The following EXOC4 variants were observed in gnomAD, a reference collection of about 807,000 sequenced individuals.
EXOC4 encodes exocyst complex component 4.
Under a neutral mutation model 107.2 loss-of-function variants are expected in EXOC4, and 71 were observed. The ratio of observed to expected loss-of-function variants is 0.66; its 90% CI spans 0.55 to 0.81. The LOEUF (loss-of-function observed/expected upper bound fraction) is 0.81. Among genes scored for constraint, EXOC4 ranks in the 30% least tolerant of loss-of-function variants. The pLI, the probability that EXOC4 is intolerant of heterozygous loss-of-function variation, is 0.00. For synonymous variants in EXOC4, 456 were observed against 441.2 expected (o/e 1.03, Z -0.42); for missense variants, 1,108 against 1,189.6 (o/e 0.93, Z 1.01).
Position 133,731,544 on chromosome 7 carries a change from A to G in EXOC4, c.1515-85781A>G, listed in dbSNP as rs535218333. Among the ~76,000 whole-genome samples, 290 of 152,306 alleles carry G rather than the reference A, an allele frequency of 1.9e-3. 1 individual carries two copies. The highest frequency in any genetic ancestry group is 3.1e-3 in the Non-Finnish European group (211 of 68,024). On this transcript the variant is annotated intron_variant, in intron 10 of 17. Transcript: ENST00000253861. ...TGCAAAACAGCAGAGAAAAAAATAA[A>G]GAGATAAATAAAATAGTAACATGTC...
the EXOC4 span, among the ~76,000 whole-genome samples, chr7:134,083,518 T>A: frequency 2.0e-5 from 3 of 151,976 alleles, no homozygotes; most frequent in Non-Finnish European, 4.4e-5. Context: ...CCAACTAGAG[T>A]CACCTGATGG....
Position 134,058,097 on chromosome 7 carries a change from G to A in EXOC4, c.2688-6194G>A, listed in dbSNP as rs1008163596. Among the ~76,000 whole-genome samples, 3 of 152,084 alleles carry A rather than the reference G, an allele frequency of 2.0e-5. No homozygotes were observed. The South Asian group carries it at 6.2e-4, about 32-fold the overall frequency. ...TTATCATAGATACCATTGAGTGGCTGGAGAAAACAGGAGTTCACTGCTTCA... is the reference window on the plus strand; with the variant it reads ...TTATCATAGATACCATTGAGTGGCTAGAGAAAACAGGAGTTCACTGCTTCA... On this transcript the variant is annotated intron_variant, in intron 17 of 17. Transcript: ENST00000253861.
At chr7:133,492,010 C>G (rs1799381180) in intron 9 of EXOC4, among the ~76,000 whole-genome samples, 1 of 152,156 alleles carries the variant, frequency 6.6e-6, no homozygotes, top group Non-Finnish European at 1.5e-5. Context: ...TCTCAAAAGA[C>G]CTGGTATGCC....
chr7:133,818,953 A>G (rs1253702294), intron 11 of EXOC4, among the ~76,000 whole-genome samples: 1 of 152,130 alleles, frequency 6.6e-6, no homozygotes, highest in Non-Finnish European at 1.5e-5. Context: ...GCCGATAGGC[A>G]GCACAAGTAG....
chr7:133,708,514 G>T (rs1794816612), intron 10 of EXOC4, among the ~76,000 whole-genome samples: 1 of 152,086 alleles, frequency 6.6e-6, no homozygotes, highest in Non-Finnish European at 1.5e-5. Flanking sequence ...TTTATTATTT[G>T]CTGCAGAACA....
intron 10 of EXOC4, among the ~76,000 whole-genome samples, chr7:133,805,263 A>G (rs1343234014): frequency 6.6e-6 from 1 of 152,176 alleles, no homozygotes; most frequent in Admixed American, 6.5e-5. Flanking sequence ...AAAATGATAA[A>G]TTTTCAAAAC....
chr7:133,971,404 AG>A (rs1801233798), intron 14 of EXOC4, among the ~76,000 whole-genome samples: 6 of 131,002 alleles, frequency 4.6e-5, no homozygotes, highest in Admixed American at 2.3e-4. Context: ...AGAGAGAGAA[AG>A]AGAGAGAGAA....
At chr7:134,013,313 A>G (rs894934755) in intron 17 of EXOC4, among the ~76,000 whole-genome samples, 2 of 152,202 alleles carry the variant, frequency 1.3e-5, no homozygotes, top group Admixed American at 6.5e-5. Context: ...CATGAGAAAG[A>G]CATCAGAAAG....
intron 10 of EXOC4, among the ~76,000 whole-genome samples, chr7:133,797,142 CA>C (rs1296059562): frequency 6.6e-6 from 1 of 152,136 alleles, no homozygotes; most frequent in Non-Finnish European, 1.5e-5. Flanking sequence ...TCTCAGAATT[CA>C]TCTCTGTATT....
chr7:133,680,735 T>C (rs970399431), intron 10 of EXOC4, among the ~76,000 whole-genome samples: 2 of 152,230 alleles, frequency 1.3e-5, no homozygotes, highest in Non-Finnish European at 2.9e-5. Flanking sequence ...AAGCCCCTAA[T>C]CACAGAAGTC....
intron 10 of EXOC4, among the ~76,000 whole-genome samples, chr7:133,781,938 A>G (rs1796477539): frequency 6.6e-6 from 1 of 152,224 alleles, no homozygotes; most frequent in South Asian, 2.1e-4. Flanking sequence ...TTGTGTCAGA[A>G]CCAATCTCTT....
chr7:133,881,005 G>C (rs1798954734), intron 11 of EXOC4, among the ~76,000 whole-genome samples: 2 of 152,090 alleles, frequency 1.3e-5, no homozygotes, highest in Non-Finnish European at 2.9e-5. Flanking sequence ...CAGAGCTTCA[G>C]AGTTTGTTTG....
chr7:133,766,946 T>C (rs1414942788), intron 10 of EXOC4, among the ~76,000 whole-genome samples: 5 of 151,934 alleles, frequency 3.3e-5, no homozygotes, highest in Admixed American at 2.0e-4. Flanking sequence ...AAAATTCTTC[T>C]ACCTCTACAG....
chr7:133,623,685 C>T (rs931591354), intron 9 of EXOC4, among the ~76,000 whole-genome samples: 1 of 152,160 alleles, frequency 6.6e-6, no homozygotes, highest in African/African-American at 2.4e-5. Context: ...TTGGGTAATA[C>T]AGTACCATCA....
At chr7:133,293,701 T>G (rs535309437) in intron 3 of EXOC4, among the ~76,000 whole-genome samples, 162 of 152,354 alleles carry the variant, frequency 1.1e-3, no homozygotes, top group African/African-American at 3.8e-3. Flanking sequence ...TAACCGAGTA[T>G]TGCATAAAAT....
chr7:133,897,826 C>G (rs1402211024), intron 12 of EXOC4, among the ~76,000 whole-genome samples: 2 of 152,078 alleles, frequency 1.3e-5, no homozygotes, highest in Non-Finnish European at 2.9e-5. Context: ...CATTACCTCT[C>G]ATACTTCTCT....
intron 10 of EXOC4, among the ~76,000 whole-genome samples, chr7:133,664,864 G>A (rs1014441): frequency 0.99 from 149,993 of 152,040 alleles, 74,028 homozygotes; most frequent in Middle Eastern, 1. Context: ...GAAAAAAAAA[G>A]TCTCATCCAA....
chr7:134,000,893 A>T (rs1794516958), intron 15 of EXOC4, among the ~76,000 whole-genome samples: 1 of 152,174 alleles, frequency 6.6e-6, no homozygotes, highest in Admixed American at 6.5e-5. Flanking sequence ...AGATGCCAAA[A>T]ATTGGTCTTG....
intron 6 of EXOC4, among the ~76,000 whole-genome samples, chr7:133,371,515 T>G (rs1255839006): frequency 6.6e-6 from 1 of 152,224 alleles, no homozygotes; most frequent in African/African-American, 2.4e-5. Context: ...TGACCTTTTT[T>G]CACTTACCAT....
Sources: gnomAD v4.1 joint callset for allele counts (sites outside exome capture counted in the v4.1 genomes callset) on GRCh38, gnomAD v4.1.1 for gene constraint, MANE v1.5 for transcripts, NCBI Gene and HGNC (gene_info 2026-07-23, HGNC 2026-07-21) for gene names.